The following TSEN15 variants were observed in gnomAD, a reference collection of about 807,000 sequenced individuals.
The protein encoded by TSEN15 is tRNA-splicing endonuclease subunit Sen15.
TSEN15 carries 10 observed loss-of-function variants against 20.5 expected under a neutral mutation model. That is an observed-to-expected ratio of 0.49 (90% confidence interval 0.30 to 0.83). The LOEUF (loss-of-function observed/expected upper bound fraction) is 0.83, where lower values mean the gene tolerates loss of function less well. Ranked by LOEUF, TSEN15 falls within the 40% of genes least tolerant of loss-of-function variation. The probability of loss-of-function intolerance (pLI) is 0.06; values close to 1 mark genes in which losing one functional copy is unlikely to be tolerated. For missense variants in TSEN15, 180 were observed against 218.6 expected, an observed-to-expected ratio of 0.82 and a Z score of 1.11; for synonymous variants, 72 against 80.1, an observed-to-expected ratio of 0.90 and a Z score of 0.54.
chr1:184,051,785 C>G lies in TSEN15; in HGVS notation c.30C>G (p.Thr10=). Residue 10 remains threonine (T), a synonymous_variant, in exon 1 of 5, where the codon ACC becomes ACG. Transcript: ENST00000645668. ...AGGAGCGCGGCGATTCCGAGCCGAC[C>G]CCCGGCTGCAGCGGCCTGGGTCCGG... is the stretch of plus-strand genomic sequence containing the variant. The part of the protein sequence containing the change: MEERGDSEP[T]PGCSGLGPGG... 6.6e-7 allele frequency: 1 copy of G among 1,519,328 alleles called. No individual in the cohort carries two copies. The highest frequency in any genetic ancestry group is 1.2e-5 in the South Asian group (1 of 81,290). 94.1% of individuals were successfully genotyped at this position (1,519,328 alleles called of 1,614,324 possible).
intron 3 of TSEN15, among the ~76,000 whole-genome samples, chr1:184,079,782 G>A (rs1233569066): frequency 6.6e-6 from 1 of 152,102 alleles, no homozygotes; most frequent in Non-Finnish European, 1.5e-5. Flanking sequence ...ACATAATGCA[G>A]TCCATATAAA....
downstream of TSEN15, among the ~76,000 whole-genome samples, chr1:184,078,561 G>A (rs1216403207): frequency 6.6e-6 from 1 of 152,010 alleles, no homozygotes; most frequent in East Asian, 1.9e-4. Context: ...TCTAATCAGT[G>A]TGCCCTCTGT....
chr1:184,064,584 G>GT lies in TSEN15; in HGVS notation c.354-7572dup, dbSNP rs546027573. 3.1e-3 allele frequency among the ~76,000 whole-genome samples: 469 copies of GT among 152,244 alleles called. 2 individuals carry two copies. The highest frequency in any genetic ancestry group is 7.3e-3 in the African/African-American group (305 of 41,562). The stretch of plus-strand genomic sequence containing the variant: ...AAACAAACAGCTCTCCTCCTGGGAA[G>GT]TAACAGTTCAGGAGAAGCAACCTCT... On this transcript the variant is annotated intron_variant, in intron 3 of 4. Coordinates refer to ENST00000645668, the MANE Select transcript of TSEN15 (RefSeq NM_052965.4).
chr1:184,065,813 T>G (rs1237763176), intron 3 of TSEN15, among the ~76,000 whole-genome samples: 1 of 152,192 alleles, frequency 6.6e-6, no homozygotes, highest in Non-Finnish European at 1.5e-5. Context: ...TTTGGTGAGG[T>G]GTCTGTTCAG....
At chr1:184,081,143 C>G (rs1240003308) in intron 3 of TSEN15, among the ~76,000 whole-genome samples, 1 of 152,188 alleles carries the variant, frequency 6.6e-6, no homozygotes, top group African/African-American at 2.4e-5. Context: ...TGTGTATGAA[C>G]TACACTTTGA....
At chr1:184,080,777 G>A (rs767545106) in intron 3 of TSEN15, among the ~76,000 whole-genome samples, 1 of 152,088 alleles carries the variant, frequency 6.6e-6, no homozygotes, top group African/African-American at 2.4e-5. Context: ...GGTACAAACA[G>A]AAAATCCAGA....
intron 1 of TSEN15, among the ~76,000 whole-genome samples, chr1:184,053,351 A>C (rs1650122068): frequency 6.6e-6 from 1 of 152,198 alleles, no homozygotes; most frequent in Non-Finnish European, 1.5e-5. Flanking sequence ...ACACACTTTT[A>C]TTTTATTATT....
chr1:184,076,464 G>A (rs1301149569), downstream of TSEN15, among the ~76,000 whole-genome samples: 1 of 152,030 alleles, frequency 6.6e-6, no homozygotes, highest in East Asian at 1.9e-4. Flanking sequence ...CCTATTCCCT[G>A]AGAAACAGCA....
exon 4 of TSEN15, chr1:184,097,081 T>C (rs1651467802): frequency 6.6e-6 from 1 of 152,192 alleles, no homozygotes; most frequent in African/African-American, 2.4e-5. Flanking sequence ...TGTGCCTGCA[T>C]TTCCAATTCA....
At chr1:184,061,674 T>C (rs570083909) in intron 3 of TSEN15, among the ~76,000 whole-genome samples, 1 of 152,334 alleles carries the variant, frequency 6.6e-6, no homozygotes, top group East Asian at 1.9e-4. Context: ...TTATTTATTT[T>C]ATGGTGTATA....
At chr1:184,051,956 A>G in intron 1 of TSEN15, 66 bp downstream of exon 1, 1 of 1,347,694 alleles carries the variant, frequency 7.4e-7, no homozygotes, top group Non-Finnish European at 9.6e-7. Flanking sequence ...ACTCCCAGGC[A>G]GCTCTCTTTC....
intron 3 of TSEN15, among the ~76,000 whole-genome samples, chr1:184,091,665 C>T (rs1003361943): frequency 6.6e-6 from 1 of 152,060 alleles, no homozygotes; most frequent in East Asian, 1.9e-4. Flanking sequence ...CCTACTGTCT[C>T]TTTCCATTTC....
chr1:184,077,013 G>C (rs931863953), downstream of TSEN15, among the ~76,000 whole-genome samples: 1 of 152,150 alleles, frequency 6.6e-6, no homozygotes, highest in African/African-American at 2.4e-5. Flanking sequence ...ATCTAGCTAA[G>C]ATAGTTGATG....
intron 3 of TSEN15, among the ~76,000 whole-genome samples, chr1:184,063,453 T>C (rs1650537482): frequency 6.6e-6 from 1 of 152,160 alleles, no homozygotes; most frequent in Non-Finnish European, 1.5e-5. Flanking sequence ...CTGTGCACAT[T>C]AGAAATGAAT....
chr1:184,068,200 G>A lies in TSEN15; in HGVS notation c.354-3957G>A, dbSNP rs147789823. Among the ~76,000 whole-genome samples the A allele has an allele frequency of 3.1e-3, 470 of 151,352 alleles. 2 individuals are homozygous for A. Among genetic ancestry groups the A allele is most frequent in the African/African-American group, 7.4e-3 (306 of 41,198 alleles). On this transcript the variant is annotated intron_variant, in intron 3 of 4. Transcript: ENST00000645668. ...GGTTACTAGAACTAGTTCTTTCTTTGGAACATCTCTGAAGATATTCTTAGT... is the reference window on the plus strand; with the variant it reads ...GGTTACTAGAACTAGTTCTTTCTTTAGAACATCTCTGAAGATATTCTTAGT...
chr1:184,060,192 AT>A (rs1557879882), intron 3 of TSEN15, among the ~76,000 whole-genome samples: 1 of 152,336 alleles, frequency 6.6e-6, no homozygotes, highest in South Asian at 2.1e-4. Context: ...GTTTGTTTTT[AT>A]TTTTTGACAG....
chr1:184,059,032 CT>C (rs34067689), intron 3 of TSEN15, among the ~76,000 whole-genome samples: 1,492 of 129,478 alleles, frequency 0.012, 13 homozygotes, highest in African/African-American at 0.026. Context: ...TTAGAAAATA[CT>C]TTTTTTTTTT....
intron 3 of TSEN15, among the ~76,000 whole-genome samples, chr1:184,065,139 T>C (rs897982283): frequency 1.3e-5 from 2 of 152,032 alleles, no homozygotes; most frequent in African/African-American, 4.8e-5. Context: ...ACTCTATTCA[T>C]TCTGAAGCTC....
downstream of TSEN15, among the ~76,000 whole-genome samples, chr1:184,077,635 T>A (rs1651089318): frequency 6.6e-6 from 1 of 152,046 alleles, no homozygotes; most frequent in African/African-American, 2.4e-5. Flanking sequence ...CCATTCTAGA[T>A]GCCATTAAGA....
Sources: gnomAD v4.1 joint callset for allele counts (sites outside exome capture counted in the v4.1 genomes callset) on GRCh38, gnomAD v4.1.1 for gene constraint, MANE v1.5 for transcripts, NCBI Gene and HGNC (gene_info 2026-07-23, HGNC 2026-07-21) for gene names.